UCHL1: variants seen among roughly 807,000 people sequenced by gnomAD.
UCHL1 encodes ubiquitin carboxyl-terminal hydrolase isozyme L1.
A neutral mutation model predicts 33.3 loss-of-function variants in UCHL1; 5 were observed. The ratio of observed to expected loss-of-function variants is 0.15; its 90% CI spans 0.08 to 0.32. The LOEUF (loss-of-function observed/expected upper bound fraction) is 0.32. Among genes scored for constraint, UCHL1 ranks in the 10% least tolerant of loss-of-function variants. The probability of loss-of-function intolerance (pLI) is 1.00; values close to 1 mark genes in which losing one functional copy is unlikely to be tolerated. For missense variants in UCHL1, 236 were observed against 280.0 expected (o/e 0.84, Z 1.12); for synonymous variants, 132 against 108.8 (o/e 1.21, Z -1.33).
Position 41,268,135 on chromosome 4 carries a change from C to T in UCHL1, c.*62C>T. The T allele has an allele frequency of 6.9e-7, 1 of 1,458,724 alleles. No individual in the cohort carries two copies. The highest frequency in any genetic ancestry group is 1.2e-5 in the South Asian group (1 of 84,280). The allele number at this position is 1,458,724 out of a possible 1,614,324, so 90.4% of individuals were successfully genotyped here. A position where few individuals can be genotyped will look rare whatever the true frequency, so the allele number is the denominator to read the frequency against. Reference sequence around the variant, plus strand: ...CCCTTCAACATGAAAATATATACCCCCCCATGCAGTCTAAAATGCTTCAGT... The same window carrying T: ...CCCTTCAACATGAAAATATATACCCTCCCATGCAGTCTAAAATGCTTCAGT... On this transcript the variant is annotated 3_prime_UTR_variant, in exon 9 of 9. Coordinates refer to ENST00000284440, the MANE Select transcript of UCHL1 (RefSeq NM_004181.5).
intron 3 of UCHL1, among the ~76,000 whole-genome samples, chr4:41,260,150 G>T (rs889038038): frequency 6.6e-6 from 1 of 152,158 alleles, no homozygotes; most frequent in African/African-American, 2.4e-5. Flanking sequence ...AGTTAAGGCC[G>T]TTTTTGTTTT....
chr4:41,257,319 G>A (rs1183937404), intron 2 of UCHL1, 193 bp downstream of exon 2: 2 of 1,032,950 alleles, frequency 1.9e-6, no homozygotes, highest in Non-Finnish European at 2.7e-6. Context: ...CCGGTCACGG[G>A]GAGACGGAGG....
At chr4:41,265,603 C>T (rs1781139549) in intron 8 of UCHL1, among the ~76,000 whole-genome samples, 1 of 152,010 alleles carries the variant, frequency 6.6e-6, no homozygotes, top group East Asian at 1.9e-4. Context: ...AAAAGTTAGT[C>T]CGCATCTAGA....
intron 7 of UCHL1, among the ~76,000 whole-genome samples, chr4:41,263,811 C>T (rs1262997250): frequency 6.6e-6 from 1 of 152,258 alleles, no homozygotes; most frequent in African/African-American, 2.4e-5. Context: ...TCCCCAGAGA[C>T]TGCATCTGAC....
rs758504465 is a variant in UCHL1, at chr4:41,261,879, A to G, written c.415A>G (p.Ile139Val). 6.2e-7 allele frequency: 1 copy of G among 1,614,194 alleles called. No homozygotes were observed. The highest frequency in any genetic ancestry group is 8.5e-7 in the Non-Finnish European group (1 of 1,180,030). The stretch of plus-strand genomic sequence containing the variant: ...AATTATTTTCTTTTTTCCGCAGGCC[A>G]TACAGGCAGCCCATGATGCCGTGGC... ...RAKCFEKNEA[I>V]QAAHDAVAQE... Residue 139 changes from isoleucine to valine, a missense_variant, in exon 6 of 9, where the codon ATA (isoleucine) becomes GTA (valine). By Grantham distance (29) the Ile-to-Val change is conservative. Transcript: ENST00000284440.
At chr4:41,265,588 AAAAG>A (rs1010280129) in intron 8 of UCHL1, among the ~76,000 whole-genome samples, 11 of 152,168 alleles carry the variant, frequency 7.2e-5, no homozygotes, top group Non-Finnish European at 1.6e-4. Flanking sequence ...CAGAAGAAAA[AAAAG>A]AAAAGTTAGT....
intron 2 of UCHL1, 21 bp from the exon 3 acceptor site, chr4:41,257,588 C>G (rs1188460538): frequency 6.7e-7 from 1 of 1,499,714 alleles, no homozygotes; most frequent in Non-Finnish European, 8.8e-7. Flanking sequence ...TGCGCCTGGC[C>G]GCCTTGTCTC....
intron 4 of UCHL1, 129 bp downstream of exon 4, chr4:41,260,926 C>G: frequency 7.6e-7 from 1 of 1,307,560 alleles, no homozygotes; most frequent in South Asian, 1.2e-5. Flanking sequence ...GTGTCAGACA[C>G]TTAATCTGAC....
chr4:41,258,838 A>T (rs554410797), intron 3 of UCHL1, among the ~76,000 whole-genome samples: 1 of 152,234 alleles, frequency 6.6e-6, no homozygotes, highest in Non-Finnish European at 1.5e-5. Context: ...TTTTATTGCT[A>T]AAGTCTTTTA....
chr4:41,259,249 G>A (rs1781033198), intron 3 of UCHL1, among the ~76,000 whole-genome samples: 1 of 152,198 alleles, frequency 6.6e-6, no homozygotes, highest in South Asian at 2.1e-4. Flanking sequence ...CTCCAAAGAT[G>A]CTAATGTTAA....
intron 8 of UCHL1, among the ~76,000 whole-genome samples, chr4:41,266,932 T>C (rs1308983609): frequency 2.6e-5 from 4 of 152,170 alleles, no homozygotes; most frequent in African/African-American, 9.7e-5. Flanking sequence ...ATTTCTAAAT[T>C]TTAGGAGTGA....
chr4:41,257,353 G>T, intron 2 of UCHL1: 1 of 929,000 alleles, frequency 1.1e-6, no homozygotes, highest in East Asian at 2.8e-5. Context: ...TGGCGAGCGA[G>T]CGCCAGGCGG....
intron 4 of UCHL1, among the ~76,000 whole-genome samples, 198 bp downstream of exon 4, chr4:41,260,995 C>T (rs1781060178): frequency 6.6e-6 from 1 of 152,142 alleles, no homozygotes; most frequent in South Asian, 2.1e-4. Flanking sequence ...GGTCCCATTT[C>T]ACAAATTTTA....
rs1561080567 is a variant in UCHL1 at position 41,260,792 on chromosome 4, G to A, written c.320G>A (p.Gly107Glu). 1 of 1,614,164 alleles carries A rather than the reference G, an allele frequency of 6.2e-7. No individual in the cohort carries two copies. Among genetic ancestry groups the A allele is most frequent in the Admixed American group, 1.7e-5 (1 of 60,016 alleles). Residue 107 changes from glycine (G) to glutamate (E), a missense_variant, in exon 4 of 9, where the codon GGA becomes GAA. Physicochemically the swap from Gly to Glu is moderately conservative, Grantham distance 98. Transcript: ENST00000284440. ...GTGGCCAATAATCAAGACAAACTGG[G>A]ATTTGGTAGGTGTGGGTTTTGAGGC... ...HAVANNQDKL[G>E]FEDGSVLKQF...
Position 41,264,176 on chromosome 4 carries a change from G to T in UCHL1, c.585+15G>T. ...CCCTGCTGAAGGTCATCTTTGGAAT[G>T]CATCTCTTCTTAATGTGCCTCACAA... On this transcript the variant is annotated intron_variant, in intron 8 of 8. Transcript: ENST00000284440. The T allele has an allele frequency of 6.2e-7, 1 of 1,614,132 alleles. No homozygotes were observed. Among genetic ancestry groups the T allele is most frequent in the Non-Finnish European group, 8.5e-7 (1 of 1,179,984 alleles).
intron 3 of UCHL1, 148 bp downstream of exon 3, chr4:41,257,885 T>A: frequency 8.0e-7 from 1 of 1,252,454 alleles, no homozygotes; most frequent in Non-Finnish European, 1.1e-6. Context: ...ATTTTCGTGG[T>A]ACCTACTCCC....
At position 41,261,860 on chromosome 4, in the gene UCHL1, TTTC is replaced by T. The variant is rs1457930243; in HGVS notation, c.412-13_412-11del. 6.2e-7 allele frequency: 1 copy of T among 1,614,002 alleles called. No homozygotes were observed. The highest frequency in any genetic ancestry group is 1.3e-5 in the African/African-American group (1 of 74,894). On this transcript the variant is annotated splice_polypyrimidine_tract_variant and intron_variant, in intron 5 of 8. Transcript: ENST00000284440. ...CTCTAGAGATTTTTGTGCTAATTATTTTCTTTTTTCCGCAGGCCATACAGGCAG... is the reference window on the plus strand; with the variant it reads ...CTCTAGAGATTTTTGTGCTAATTATTTTTTTTCCGCAGGCCATACAGGCAG...
intron 3 of UCHL1, 60 bp downstream of exon 3, chr4:41,257,797 A>G: frequency 6.6e-7 from 1 of 1,524,256 alleles, no homozygotes; most frequent in Non-Finnish European, 8.8e-7. Context: ...CCCCAGCTTG[A>G]GTCCTCGGGG....
At position 41,256,929 on chromosome 4, in the gene UCHL1, G is replaced by T. The variant is rs763516024; in HGVS notation, c.-48G>T. On this transcript the variant is annotated 5_prime_UTR_variant, in exon 1 of 9. Coordinates refer to ENST00000284440, the MANE Select transcript of UCHL1 (RefSeq NM_004181.5). ...AGCTGCAGCCTGGGCGGCTCCGCTA[G>T]CTGTTTTTCGTCTTCCCTAGGCTAT... 1.9e-5 allele frequency: 30 copies of T among 1,613,742 alleles called. No individual in the cohort carries two copies. The highest frequency in any genetic ancestry group is 2.7e-5 in the African/African-American group (2 of 74,938).
Sources: gnomAD v4.1 joint callset for allele counts (sites outside exome capture counted in the v4.1 genomes callset) on GRCh38, gnomAD v4.1.1 for gene constraint, MANE v1.5 for transcripts, NCBI Gene and HGNC (gene_info 2026-07-23, HGNC 2026-07-21) for gene names.